STPG2: variants seen among roughly 807,000 people sequenced by gnomAD.
STPG2 encodes sperm tail PG-rich repeat containing 2, also known as sperm-tail PG-rich repeat-containing protein 2.
Under a neutral mutation model 54.2 loss-of-function variants are expected in STPG2, and 56 were observed. The ratio of observed to expected loss-of-function variants is 1.03; its 90% CI spans 0.83 to 1.29. The LOEUF is 1.29. Ranked by LOEUF, STPG2 falls within the 50% of genes most tolerant of loss-of-function variation. The pLI is 0.00. For synonymous variants in STPG2, 200 were observed against 181.8 expected (o/e 1.10, Z -0.81); for missense variants, 596 against 544.9 (o/e 1.09, Z -0.93).
intron 9 of STPG2, among the ~76,000 whole-genome samples, chr4:97,754,971 C>CA (rs1222392114): frequency 6.6e-6 from 1 of 152,200 alleles, no homozygotes; most frequent in African/African-American, 2.4e-5. Context: ...CCACAGTTTT[C>CA]AAAACACCAC....
At chr4:97,775,324 A>T (rs1437124350) in intron 9 of STPG2, among the ~76,000 whole-genome samples, 1 of 152,224 alleles carries the variant, frequency 6.6e-6, no homozygotes, top group Non-Finnish European at 1.5e-5. Flanking sequence ...TTACATATGT[A>T]TACATGTGCC....
intron 10 of STPG2, among the ~76,000 whole-genome samples, chr4:97,709,005 C>T (rs1004746710): frequency 1.3e-5 from 2 of 151,754 alleles, no homozygotes; most frequent in African/African-American, 4.8e-5. Flanking sequence ...AATTGCACTA[C>T]AGATTTTTCT....
At chr4:97,536,747 G>C (rs1169140839) in intron 4 of STPG2, among the ~76,000 whole-genome samples, 1 of 152,128 alleles carries the variant, frequency 6.6e-6, no homozygotes, top group Non-Finnish European at 1.5e-5. Flanking sequence ...CAAAGGACCT[G>C]GCTTGGCCCT....
chr4:97,776,526 A>T (rs1726381142), intron 9 of STPG2, among the ~76,000 whole-genome samples: 1 of 152,218 alleles, frequency 6.6e-6, no homozygotes, highest in East Asian at 1.9e-4. Flanking sequence ...TAAAGAGGCT[A>T]TTCTCTAAAC....
chr4:98,092,956 A>G (rs989921694), intron 5 of STPG2, among the ~76,000 whole-genome samples: 8 of 152,114 alleles, frequency 5.3e-5, no homozygotes, highest in Non-Finnish European at 1.0e-4. Flanking sequence ...TTGCCACATA[A>G]TTTTTAGGCA....
intron 8 of STPG2, among the ~76,000 whole-genome samples, chr4:97,862,862 A>G (rs1729607882): frequency 6.6e-6 from 1 of 152,210 alleles, no homozygotes; most frequent in Non-Finnish European, 1.5e-5. Context: ...TACGTAACGA[A>G]ATGGAGGCAG....
intron 4 of STPG2, among the ~76,000 whole-genome samples, chr4:97,486,834 T>C (rs1322936205): frequency 2.1e-5 from 3 of 139,822 alleles, no homozygotes; most frequent in African/African-American, 8.5e-5. Context: ...TGTGTGTATA[T>C]ATATATATAT....
intron 9 of STPG2, among the ~76,000 whole-genome samples, chr4:97,756,074 CTT>C (rs1383314729): frequency 1.3e-5 from 2 of 152,000 alleles, no homozygotes; most frequent in African/African-American, 4.8e-5. Context: ...CTCTCTCTCT[CTT>C]TCTCTCTCTC....
intron 8 of STPG2, among the ~76,000 whole-genome samples, chr4:97,905,041 T>A (rs1731350344): frequency 6.6e-6 from 1 of 151,954 alleles, no homozygotes; most frequent in African/African-American, 2.4e-5. Context: ...TGCAGGATAT[T>A]ATCCAGGAGA....
chr4:98,025,593 A>G, intron 5 of STPG2: 1 of 745,392 alleles, frequency 1.3e-6, no homozygotes, highest in East Asian at 2.5e-5. Flanking sequence ...GCCCATATAG[A>G]CAGGGATATA....
chr4:97,939,242 T>C (rs1454509943), intron 8 of STPG2, among the ~76,000 whole-genome samples: 2 of 152,236 alleles, frequency 1.3e-5, no homozygotes, highest in African/African-American at 4.8e-5. Flanking sequence ...ATGTGGTCAA[T>C]TTCAGAGTAT....
At chr4:98,025,812 C>A in intron 5 of STPG2, 1 of 1,590,592 alleles carries the variant, frequency 6.3e-7, no homozygotes, top group Non-Finnish European at 8.5e-7. Context: ...GGTGCCTTTA[C>A]CTGCTATTTG....
At chr4:97,801,965 T>C (rs1165821637) in intron 9 of STPG2, among the ~76,000 whole-genome samples, 1 of 152,198 alleles carries the variant, frequency 6.6e-6, no homozygotes, top group Non-Finnish European at 1.5e-5. Context: ...TTTCTCAAAC[T>C]AGCATGCATT....
rs550337924 is a variant in STPG2 at position 97,842,059 on chromosome 4, T to A, written c.1045-1127A>T. On this transcript the variant is annotated intron_variant, in intron 8 of 10. Coordinates refer to ENST00000295268, the MANE Select transcript of STPG2 (RefSeq NM_174952.3). ...AGAAAGCATACTTTTGAAGTCCCTCTAGGAGCCATATTTTAGAAAACACAT... is the reference window on the plus strand; with the variant it reads ...AGAAAGCATACTTTTGAAGTCCCTCAAGGAGCCATATTTTAGAAAACACAT... Among the ~76,000 whole-genome samples, 3 of 151,964 alleles carry A rather than the reference T, an allele frequency of 2.0e-5. No individual in the cohort carries two copies. The South Asian group carries it at 6.2e-4, about 31-fold the overall frequency.
At chr4:97,610,246 A>C (rs1313099771) in intron 10 of STPG2, among the ~76,000 whole-genome samples, 1 of 152,080 alleles carries the variant, frequency 6.6e-6, no homozygotes, top group East Asian at 1.9e-4. Context: ...GTAGCCACTA[A>C]GTGGAATCCT....
At chr4:97,697,213 T>C (rs1469799684) in intron 10 of STPG2, among the ~76,000 whole-genome samples, 3 of 152,184 alleles carry the variant, frequency 2.0e-5, no homozygotes, top group African/African-American at 2.4e-5. Flanking sequence ...TATGGCCCAC[T>C]GTGGGAGCTA....
intron 8 of STPG2, among the ~76,000 whole-genome samples, chr4:97,906,826 C>T (rs1731446230): frequency 6.6e-6 from 1 of 152,152 alleles, no homozygotes; most frequent in African/African-American, 2.4e-5. Context: ...CCCCGTCAAA[C>T]TAAAAATTCT....
At chr4:97,911,670 C>T (rs1239964980) in intron 8 of STPG2, among the ~76,000 whole-genome samples, 1 of 152,168 alleles carries the variant, frequency 6.6e-6, no homozygotes, top group Non-Finnish European at 1.5e-5. Context: ...AAGGGTTTTA[C>T]CAGACAGAAC....
chr4:97,848,659 C>T (rs965786646), intron 8 of STPG2, among the ~76,000 whole-genome samples: 7 of 152,176 alleles, frequency 4.6e-5, no homozygotes, highest in African/African-American at 7.2e-5. Flanking sequence ...TTTAATCCAT[C>T]GTGAATTGAT....
Sources: gnomAD v4.1 joint callset for allele counts (sites outside exome capture counted in the v4.1 genomes callset) on GRCh38, gnomAD v4.1.1 for gene constraint, MANE v1.5 for transcripts, NCBI Gene and HGNC (gene_info 2026-07-23, HGNC 2026-07-21) for gene names.